The following LAMC2 variants were observed in gnomAD, a reference collection of about 807,000 sequenced individuals.
The protein encoded by LAMC2 is laminin subunit gamma-2.
LAMC2 carries 97 observed loss-of-function variants against 140.2 expected under a neutral mutation model. The observed-to-expected ratio is 0.69, with a 90% CI of 0.59 to 0.82. The LOEUF is 0.82. LAMC2 is among the 40% of genes least tolerant of loss of function. The pLI is 0.00. For synonymous variants in LAMC2, 513 were observed against 540.2 expected, an observed-to-expected ratio of 0.95 and a Z score of 0.70; for missense variants, 1,402 against 1,476.1, an observed-to-expected ratio of 0.95 and a Z score of 0.82.
At chr1:183,256,146 G>A in the LAMC2 span, among the ~76,000 whole-genome samples, 51 of 152,112 alleles carry the variant, frequency 3.4e-4, no homozygotes, top group Admixed American at 6.5e-4. Context: ...GGTGGCTCAC[G>A]CGTGTAATCC....
chr1:183,225,941 A>T (rs1659612237), intron 8 of LAMC2, among the ~76,000 whole-genome samples: 2 of 152,206 alleles, frequency 1.3e-5, no homozygotes, highest in African/African-American at 4.8e-5. Context: ...AGAGTAAATG[A>T]TGCTGTCTTG....
chr1:183,202,690 C>T (rs1658748527), intron 1 of LAMC2, among the ~76,000 whole-genome samples: 1 of 152,206 alleles, frequency 6.6e-6, no homozygotes, highest in African/African-American at 2.4e-5. Context: ...CTTACTACTT[C>T]CCAACTTCCT....
At chr1:183,214,874 A>G (rs1224629266) in intron 2 of LAMC2, among the ~76,000 whole-genome samples, 1 of 152,156 alleles carries the variant, frequency 6.6e-6, no homozygotes, top group Non-Finnish European at 1.5e-5. Context: ...TATCTGTAAA[A>G]AGTGGAATCA....
chr1:183,217,976 G>T (rs1659329321), intron 3 of LAMC2, among the ~76,000 whole-genome samples: 1 of 152,206 alleles, frequency 6.6e-6, no homozygotes, highest in Non-Finnish European at 1.5e-5. Context: ...AAAATAGCAG[G>T]TAGATGGAAT....
intron 12 of LAMC2, among the ~76,000 whole-genome samples, chr1:183,231,527 C>T (rs1420712800): frequency 6.6e-6 from 1 of 152,062 alleles, no homozygotes; most frequent in Non-Finnish European, 1.5e-5. Context: ...CTTTCCAGCT[C>T]GATTTCTTTT....
the LAMC2 span, chr1:183,252,480 G>A: frequency 1.5e-6 from 1 of 658,456 alleles, no homozygotes; most frequent in Non-Finnish European, 2.8e-6. Flanking sequence ...GTGGAATAGG[G>A]AATGCCATGG....
chr1:183,223,017 T>C, intron 6 of LAMC2, 118 bp from the exon 7 acceptor site: 1 of 875,322 alleles, frequency 1.1e-6, no homozygotes, highest in African/African-American at 1.7e-5. Context: ...TAGCAAGGAG[T>C]TTTGGGGCAG....
chr1:183,213,942 G>T (rs1659158744), intron 2 of LAMC2, among the ~76,000 whole-genome samples: 2 of 151,740 alleles, frequency 1.3e-5, no homozygotes, highest in South Asian at 4.2e-4. Context: ...GCGCATGCCT[G>T]TAATCCCAGC....
chr1:183,220,674 G>A (rs1323174458), intron 4 of LAMC2, 151 bp from the exon 5 acceptor site: 3 of 731,024 alleles, frequency 4.1e-6, no homozygotes, highest in Non-Finnish European at 7.1e-6. Flanking sequence ...GTCTGGGGGT[G>A]GGGGTGATAT....
the LAMC2 span, among the ~76,000 whole-genome samples, chr1:183,253,945 A>ATG: frequency 9.3e-6 from 1 of 107,928 alleles, no homozygotes; most frequent in African/African-American, 3.7e-5. Flanking sequence ...GTGTGTGTGT[A>ATG]TGTGTGTGTG....
At chr1:183,208,441 A>T (rs2102197678) in intron 2 of LAMC2, among the ~76,000 whole-genome samples, 1 of 152,316 alleles carries the variant, frequency 6.6e-6, no homozygotes, top group South Asian at 2.1e-4. Flanking sequence ...TTTCAGGGAT[A>T]GTTCTTCATA....
chr1:183,226,549 G>A (rs1659630940), intron 8 of LAMC2, 149 bp from the exon 9 acceptor site: 1 of 724,002 alleles, frequency 1.4e-6, no homozygotes, highest in South Asian at 1.6e-5. Flanking sequence ...GTCACAGTGG[G>A]AGACTGCCAT....
intron 1 of LAMC2, among the ~76,000 whole-genome samples, chr1:183,197,836 A>G (rs897864447): frequency 1.1e-4 from 16 of 152,162 alleles, no homozygotes; most frequent in African/African-American, 3.9e-4. Flanking sequence ...GGATGAGATT[A>G]CCCAAGGGAG....
intron 13 of LAMC2, 87 bp from the exon 14 acceptor site, chr1:183,232,565 C>A: frequency 1.6e-6 from 2 of 1,273,978 alleles, no homozygotes; most frequent in Non-Finnish European, 2.3e-6. Flanking sequence ...TGTCATTTGA[C>A]CATAAGCCAG....
intron 5 of LAMC2, 128 bp downstream of exon 5, chr1:183,221,089 T>TC: frequency 1.1e-6 from 1 of 939,670 alleles, no homozygotes; most frequent in Admixed American, 2.2e-5. Context: ...TGAATGTACA[T>TC]TATTTTGTCA....
At chr1:183,245,868 T>A (rs1403390961), downstream of LAMC2, among the ~76,000 whole-genome samples, 1 of 152,130 alleles carries the variant, frequency 6.6e-6, no homozygotes, top group Non-Finnish European at 1.5e-5. Context: ...ATGGAATAGA[T>A]TGTTTTAAAA....
intron 15 of LAMC2, among the ~76,000 whole-genome samples, 156 bp from the exon 16 acceptor site, chr1:183,235,419 T>G (rs551164284): frequency 6.6e-6 from 1 of 152,388 alleles, no homozygotes; most frequent in African/African-American, 2.4e-5. Flanking sequence ...TTTCTGCTTC[T>G]TGACAGCACC....
chr1:183,207,839 T>TTG (rs1658939685), intron 1 of LAMC2, 42 bp from the exon 2 acceptor site: 6 of 1,514,108 alleles, frequency 4.0e-6, no homozygotes, highest in Middle Eastern at 3.4e-4. Context: ...TGAGGTGTTT[T>TTG]TTTTTTTTTT....
In LAMC2 at chr1:183,235,673, G is replaced by T; in HGVS notation, c.2399G>T (p.Gly800Val). Residue 800 changes from glycine (G) to valine (V), a missense_variant, in exon 16 of 23, where the codon GGA becomes GTA. Physicochemically the swap from Gly to Val is moderately radical, Grantham distance 109. Around this residue, in one of 3 missense-constraint regions of LAMC2, gnomAD observed 670 missense variants for 667.2 expected, o/e 1.00. Coordinates refer to ENST00000264144, the MANE Select transcript of LAMC2 (RefSeq NM_005562.3). ...LSLVRKALHE[G>V]VGSGSGSPDG... ...CTGGTGCGCAAGGCCCTGCATGAAGGAGTCGGAAGCGGAAGCGGTAGCCCG... is the reference window on the plus strand; with the variant it reads ...CTGGTGCGCAAGGCCCTGCATGAAGTAGTCGGAAGCGGAAGCGGTAGCCCG... 1.2e-6 allele frequency: 2 copies of T among 1,614,244 alleles called. No homozygotes were observed. Among genetic ancestry groups the T allele is most frequent in the African/African-American group, 2.7e-5 (2 of 75,068 alleles).
Sources: allele counts gnomAD v4.1 joint callset (sites outside exome capture counted in the v4.1 genomes callset), GRCh38; gene constraint gnomAD v4.1.1; regional missense constraint gnomAD v4.1.1; transcripts MANE v1.5; gene names NCBI Gene and HGNC (gene_info 2026-07-23, HGNC 2026-07-21).